SLC16A5: variants seen among roughly 807,000 people sequenced by gnomAD.
The protein encoded by SLC16A5 is solute carrier family 16 member 5.
SLC16A5 carries 29 observed loss-of-function variants against 33.2 expected under a neutral mutation model. The ratio of observed to expected loss-of-function variants is 0.87; its 90% confidence interval spans 0.65 to 1.19. The LOEUF (loss-of-function observed/expected upper bound fraction) is 1.19. Ranked by LOEUF, SLC16A5 falls within the 50% of genes most tolerant of loss-of-function variation. SLC16A5 has a pLI of 0.00. For synonymous variants in SLC16A5, 248 were observed against 284.1 expected (o/e 0.87, Z 1.28); for missense variants, 606 against 678.2 (o/e 0.89, Z 1.18).
intron 2 of SLC16A5, among the ~76,000 whole-genome samples, chr17:75,091,836 CTG>C (rs2073641211): frequency 6.6e-6 from 1 of 152,078 alleles, no homozygotes; most frequent in African/African-American, 2.4e-5. Context: ...GCGGTGAGGT[CTG>C]AGGGGGTTGG....
chr17:75,094,605 G>C (rs4789135), intron 3 of SLC16A5, among the ~76,000 whole-genome samples: 107,958 of 150,970 alleles, frequency 0.72, 39,099 homozygotes, highest in Non-Finnish European at 0.73. Context: ...AGAATCTCTT[G>C]AACCCAGGAG....
intron 5 of SLC16A5, among the ~76,000 whole-genome samples, chr17:75,103,655 G>T (rs544313535): frequency 1.3e-5 from 2 of 152,140 alleles, no homozygotes; most frequent in Non-Finnish European, 2.9e-5. Flanking sequence ...GCAAACAAGT[G>T]GGGAGAGCTC....
downstream of SLC16A5, among the ~76,000 whole-genome samples, chr17:75,107,562 TG>T (rs2073872394): frequency 6.6e-6 from 1 of 151,872 alleles, no homozygotes; most frequent in African/African-American, 2.4e-5. Flanking sequence ...CCCAGCACTT[TG>T]GGAGGCTGAG....
At chr17:75,106,988 C>T (rs2073868920), downstream of SLC16A5, among the ~76,000 whole-genome samples, 1 of 151,642 alleles carries the variant, frequency 6.6e-6, no homozygotes, top group Admixed American at 6.6e-5. Context: ...AACATAGAGA[C>T]CCTGTCTCTA....
At chr17:75,090,484 G>A (rs35163812) in intron 2 of SLC16A5, among the ~76,000 whole-genome samples, 12,282 of 142,926 alleles carry the variant, frequency 0.086, 676 homozygotes, top group African/African-American at 0.16. Context: ...TTTTGAGACG[G>A]AAGTCTCACT....
intron 6 of SLC16A5, 61 bp downstream of exon 6, chr17:75,104,241 A>G (rs1226916402): frequency 6.3e-7 from 1 of 1,582,916 alleles, no homozygotes; most frequent in Non-Finnish European, 8.6e-7. Flanking sequence ...GAGTCCTGGG[A>G]TCACTGAGTG....
chr17:75,109,797 C>T (rs548256143), downstream of SLC16A5, among the ~76,000 whole-genome samples: 3 of 152,358 alleles, frequency 2.0e-5, no homozygotes, highest in South Asian at 6.2e-4. The surrounding 1 kb of genome is among the most constrained non-coding windows in gnomAD (Gnocchi z 5.0). Flanking sequence ...TCGCAGTACA[C>T]CCACCCACGC....
intron 3 of SLC16A5, among the ~76,000 whole-genome samples, chr17:75,097,540 T>C (rs943531143): frequency 1.2e-4 from 2 of 17,094 alleles, no homozygotes; most frequent in Middle Eastern, 0.018. Context: ...GGGAAGGTGG[T>C]GGGAGGGTGG....
At chr17:75,104,346 T>G in intron 6 of SLC16A5, 166 bp downstream of exon 6, 1 of 1,438,360 alleles carries the variant, frequency 7.0e-7, no homozygotes, top group Non-Finnish European at 9.1e-7. Flanking sequence ...CTGTCCAGGC[T>G]CTGCAAGCTG....
At chr17:75,097,324 A>G (rs1395409278) in intron 3 of SLC16A5, among the ~76,000 whole-genome samples, 1 of 151,716 alleles carries the variant, frequency 6.6e-6, no homozygotes, top group African/African-American at 2.4e-5. Context: ...GCTCTTTTCT[A>G]TTTTTTTGGG....
At position 75,105,622 on chromosome 17, in the gene SLC16A5, C is replaced by A. The variant is rs532917872; in HGVS notation, c.1365-258C>A. 3 of 985,396 alleles carry A rather than the reference C, an allele frequency of 3.0e-6. No individual in the cohort carries two copies. In the East Asian group the frequency reaches 3.4e-4, roughly 112 times the overall value. 61.0% of individuals were successfully genotyped at this position (985,396 alleles called of 1,614,324 possible). A position where few individuals can be genotyped will look rare whatever the true frequency, so the allele number is the denominator to read the frequency against. On this transcript the variant is annotated intron_variant, in intron 6 of 6. Transcript: ENST00000329783. ...ACCCAGGGGCTGGCTGTCATCAGCC[C>A]ATTCTTGTCCCAGCAGGGTACCGAG...
chr17:75,100,706 T>C lies in SLC16A5; in HGVS notation c.1043T>C (p.Leu348Pro). ...YSVSMSGIGA[L>P]IFQVLMDIVP... The stretch of plus-strand genomic sequence containing the variant: ...GTGTCCATGAGTGGCATCGGCGCCC[T>C]CATCTTCCAGGTTCTCATGGACATC... Residue 348 changes from leucine (L) to proline (P), a missense_variant, in exon 5 of 7, where the codon CTC (leucine) becomes CCC (proline). Coordinates refer to ENST00000329783, the MANE Select transcript of SLC16A5 (RefSeq NM_004695.4). 6 of 1,614,158 alleles carry C rather than the reference T, an allele frequency of 3.7e-6. No homozygotes were observed. The highest frequency in any genetic ancestry group is 5.1e-6 in the Non-Finnish European group (6 of 1,180,032).
chr17:75,091,119 G>A (rs1194283766), intron 2 of SLC16A5, among the ~76,000 whole-genome samples: 1 of 152,174 alleles, frequency 6.6e-6, no homozygotes, highest in African/African-American at 2.4e-5. Flanking sequence ...GGGCTAGGTG[G>A]CAGGGAACAG....
chr17:75,103,884 A>C, intron 5 of SLC16A5, 86 bp from the exon 6 acceptor site: 1 of 1,226,622 alleles, frequency 8.2e-7, no homozygotes, highest in Admixed American at 1.8e-5. Context: ...GCAGAGACAA[A>C]AATAAAATAC....
rs1386346854 is a variant in SLC16A5 at position 75,100,130 on chromosome 17, C to T, written c.467C>T (p.Pro156Leu). 13 of 1,614,038 alleles carry T rather than the reference C, an allele frequency of 8.1e-6. No homozygotes were observed. Among genetic ancestry groups the T allele is most frequent in the South Asian group, 4.4e-5 (4 of 91,086 alleles). Residue 156 changes from proline (P) to leucine (L), a missense_variant, in exon 5 of 7, where the codon CCG (proline) becomes CTG (leucine). Coordinates refer to ENST00000329783, the MANE Select transcript of SLC16A5 (RefSeq NM_004695.4). ...MGVSLGITLW[P>L]LLSRYLLENL... ...GTCTCCCTGGGCATCACCCTCTGGC[C>T]GCTGCTCTCCCGCTACCTTCTGGAG... is the stretch of plus-strand genomic sequence containing the variant.
Position 75,100,427 on chromosome 17 carries a change from C to T in SLC16A5, c.764C>T (p.Pro255Leu), listed in dbSNP as rs140378977. The T allele has an allele frequency of 2.4e-5, 38 of 1,614,262 alleles. No homozygotes were observed. Among genetic ancestry groups the T allele is most frequent in the African/African-American group, 2.0e-4 (15 of 75,068 alleles). Residue 255 changes from proline (P) to leucine (L), a missense_variant, in exon 5 of 7, where the codon CCA becomes CTA. Coordinates refer to ENST00000329783, the MANE Select transcript of SLC16A5 (RefSeq NM_004695.4). ...VMWSVLGFPL[P>L]QVFLVPYAMW... ...TGGTCCGTCCTGGGCTTCCCACTGC[C>T]ACAAGTCTTCCTGGTGCCATATGCC... is the stretch of plus-strand genomic sequence containing the variant.
At chr17:75,096,462 G>T (rs149309332) in intron 3 of SLC16A5, among the ~76,000 whole-genome samples, 3,666 of 151,190 alleles carry the variant, frequency 0.024, 69 homozygotes, top group East Asian at 0.063. Context: ...GGGCAGAGAC[G>T]CCGGGCCACC....
intron 1 of SLC16A5, among the ~76,000 whole-genome samples, chr17:75,088,422 TC>T (rs1245492061): frequency 6.6e-6 from 1 of 152,128 alleles, no homozygotes; most frequent in African/African-American, 2.4e-5. Context: ...CAGTTGCCTG[TC>T]CCAAACCCTT....
downstream of SLC16A5, among the ~76,000 whole-genome samples, chr17:75,107,841 G>A (rs2041258861): frequency 6.6e-6 from 1 of 152,176 alleles, no homozygotes; most frequent in Admixed American, 6.5e-5. Context: ...GGAGGCTGAG[G>A]CAGGAGAATG....
Sources: gnomAD v4.1 joint callset for allele counts (sites outside exome capture counted in the v4.1 genomes callset) on GRCh38, gnomAD v4.1.1 for gene constraint, Gnocchi (gnomAD v3.1) non-coding constraint, MANE v1.5 for transcripts, NCBI Gene and HGNC (gene_info 2026-07-23, HGNC 2026-07-21) for gene names.